Variants in DRC3 observed in about 807,000 individuals in gnomAD.
DRC3 encodes the protein dynein regulatory complex subunit 3.
DRC3 carries 45 observed loss-of-function variants against 57.6 expected under a neutral mutation model. The ratio of observed to expected loss-of-function variants is 0.78; its 90% CI spans 0.62 to 1.00. The LOEUF (loss-of-function observed/expected upper bound fraction) is 1.00, where lower values mean the gene tolerates loss of function less well. Ranked by LOEUF, DRC3 falls within the 50% of genes least tolerant of loss-of-function variation. The pLI is 0.00. For missense variants in DRC3, 655 were observed against 675.2 expected (o/e 0.97, Z 0.33); for synonymous variants, 257 against 272.3 (o/e 0.94, Z 0.55).
Position 17,995,066 on chromosome 17 carries a change from G to A in DRC3, c.779G>A (p.Gly260Asp), listed in dbSNP as rs767633482. ...FDSMYAEDSE[G>D]NNLSYLPGVG... ...AGCATGTACGCTGAGGACTCAGAGG[G>A]CAACAATCTGTCCTACCTGCCTGGT... The change falls in exon 8 of 14, where the codon GGC (glycine) becomes GAC (aspartate). Residue 260 changes from glycine to aspartate, a missense_variant. Transcript: ENST00000399187. 2 of 1,613,930 alleles carry A rather than the reference G, an allele frequency of 1.2e-6. No homozygotes were observed. Among genetic ancestry groups the A allele is most frequent in the East Asian group, 2.2e-5 (1 of 44,872 alleles).
chr17:18,014,622 A>G (rs1181871532), intron 12 of DRC3, among the ~76,000 whole-genome samples: 1 of 152,188 alleles, frequency 6.6e-6, no homozygotes, highest in African/African-American at 2.4e-5. Flanking sequence ...ACAGCTTTTG[A>G]AGCTGTTTTC....
chr17:18,013,877 C>T (rs892806848), intron 12 of DRC3, among the ~76,000 whole-genome samples: 12 of 151,898 alleles, frequency 7.9e-5, no homozygotes, highest in African/African-American at 2.9e-4. Context: ...GGTGTTGAAA[C>T]ATCACTATGT....
At position 17,994,312 on chromosome 17, in the gene DRC3, A is replaced by G; in HGVS notation, c.605A>G (p.Glu202Gly). ...TTCCCTGGTCAGAAAAAGCTTGCGG[A>G]GGCTAAGCACCAGTACAGCATCGAC... ...RIDDHTKKLA[E>G]AKHQYSIDEL... The change falls in exon 7 of 14, where the codon GAG becomes GGG. Residue 202 changes from glutamate (E) to glycine (G), a missense_variant. Coordinates refer to ENST00000399187, the MANE Select transcript of DRC3 (RefSeq NM_031294.4). The G allele has an allele frequency of 6.4e-7, 1 of 1,552,674 alleles. No homozygotes were observed. The highest frequency in any genetic ancestry group is 8.7e-7 in the Non-Finnish European group (1 of 1,147,584).
intron 2 of DRC3, among the ~76,000 whole-genome samples, chr17:17,976,998 C>T (rs574638934): frequency 6.6e-5 from 10 of 152,360 alleles, no homozygotes; most frequent in African/African-American, 2.4e-4. Context: ...TGGGCACTCT[C>T]ATTCCACAGC....
rs898970771 is a variant in DRC3, at chr17:18,004,302, A to G, written c.1000-61A>G. 3.3e-6 allele frequency: 5 copies of G among 1,536,328 alleles called. 1 individual carries two copies. The highest frequency in any genetic ancestry group is 4.8e-5 in the East Asian group (2 of 41,630). On this transcript the variant is annotated intron_variant, in intron 9 of 13. Transcript: ENST00000399187. Reference sequence around the variant, plus strand: ...TTCTTACCCACAAAACCAAATTGCCACCTGCCATTATCTAATTACACTTAG... The same window carrying G: ...TTCTTACCCACAAAACCAAATTGCCGCCTGCCATTATCTAATTACACTTAG...
intron 12 of DRC3, chr17:18,015,181 A>C (rs2044311483): frequency 6.6e-6 from 1 of 152,248 alleles, no homozygotes. Flanking sequence ...TTGACCAAAG[A>C]ATACTTTTTT....
chr17:18,003,843 G>A (rs1296658645), intron 9 of DRC3, among the ~76,000 whole-genome samples: 1 of 150,670 alleles, frequency 6.6e-6, no homozygotes, highest in East Asian at 2.0e-4. Context: ...AGTATAGATG[G>A]GGTTTCACTG....
intron 3 of DRC3, among the ~76,000 whole-genome samples, chr17:17,979,617 C>T (rs561316804): frequency 1.3e-5 from 2 of 152,162 alleles, no homozygotes; most frequent in Non-Finnish European, 2.9e-5. Context: ...TTTGGCTTTT[C>T]CTCCTGAACT....
At chr17:17,987,783 A>C in intron 4 of DRC3, 149 bp from the exon 5 acceptor site, 1 of 736,710 alleles carries the variant, frequency 1.4e-6, no homozygotes, top group Non-Finnish European at 2.1e-6. Flanking sequence ...TTCTAAAAAA[A>C]TCACAAACTA....
rs759331759 is a variant in DRC3, at chr17:17,987,942, C to T, written c.288C>T (p.Phe96=). The change falls in exon 5 of 14, where the codon TTC becomes TTT. Residue 96 remains phenylalanine (F), a synonymous_variant. Transcript: ENST00000399187. ...LAHLVWLDLS[F]NNIETIEGLD... ...CTCTCTTCTTCCCAGATCTGTCTTT[C>T]AACAACATTGAGACCATCGAGGGGC... The T allele has an allele frequency of 6.2e-7, 1 of 1,613,888 alleles. No homozygotes were observed. The highest frequency in any genetic ancestry group is 2.2e-5 in the East Asian group (1 of 44,884).
At chr17:17,979,121 G>A (rs780019695) in intron 3 of DRC3, among the ~76,000 whole-genome samples, 2 of 152,166 alleles carry the variant, frequency 1.3e-5, no homozygotes, top group Admixed American at 6.5e-5. Context: ...ACAACTTGAG[G>A]TAGGCAAGGG....
In DRC3 at chr17:17,990,611, A is replaced by C. The variant is rs118085105; in HGVS notation, c.445-2154A>C. On this transcript the variant is annotated intron_variant, in intron 5 of 13. Transcript: ENST00000399187. ...AGAGACCTCTGAATCTCCTAACTGA[A>C]AGAGGCCTCCCTGTTATTTTCTCTC... Among the ~76,000 whole-genome samples, 501 of 152,372 alleles carry C rather than the reference A, an allele frequency of 3.3e-3. 2 individuals carry two copies. Among genetic ancestry groups the C allele is most frequent in the Non-Finnish European group, 6.5e-3 (445 of 68,042 alleles).
chr17:17,990,438 C>T (rs1302466782), intron 5 of DRC3, among the ~76,000 whole-genome samples: 2 of 152,260 alleles, frequency 1.3e-5, no homozygotes, highest in African/African-American at 4.8e-5. Context: ...TCTGCAGCCA[C>T]CCTGGCCTTT....
chr17:17,977,766 T>G lies in DRC3; in HGVS notation c.160+8T>G. 6.3e-7 allele frequency: 1 copy of G among 1,590,508 alleles called. No individual in the cohort carries two copies. The highest frequency in any genetic ancestry group is 1.7e-5 in the Admixed American group (1 of 57,680). Reference sequence around the variant, plus strand: ...TGCAGCTGGACTTTCGGAGTATGTATCCAAGGTTCAGGGGTGGTGGCCAGG... The same window carrying G: ...TGCAGCTGGACTTTCGGAGTATGTAGCCAAGGTTCAGGGGTGGTGGCCAGG... On this transcript the variant is annotated splice_region_variant and intron_variant, in intron 3 of 13. Coordinates refer to ENST00000399187, the MANE Select transcript of DRC3 (RefSeq NM_031294.4).
chr17:18,005,994 G>A, intron 10 of DRC3, 189 bp from the exon 11 acceptor site: 1 of 588,888 alleles, frequency 1.7e-6, no homozygotes, highest in South Asian at 2.0e-5. Context: ...TAATATGGTT[G>A]GAGAACAACA....
chr17:18,000,842 A>G (rs2043699148), intron 9 of DRC3, among the ~76,000 whole-genome samples: 1 of 151,932 alleles, frequency 6.6e-6, no homozygotes, highest in Admixed American at 6.6e-5. Context: ...TTGTACTTAT[A>G]TTTTGCCCTT....
intron 5 of DRC3, among the ~76,000 whole-genome samples, chr17:17,992,120 C>G (rs1229654515): frequency 6.6e-6 from 1 of 151,924 alleles, no homozygotes; most frequent in Non-Finnish European, 1.5e-5. Context: ...ACTACAAACA[C>G]AAAAATTAGC....
intron 5 of DRC3, among the ~76,000 whole-genome samples, chr17:17,990,209 G>A (rs986908948): frequency 5.9e-5 from 9 of 152,186 alleles, no homozygotes; most frequent in South Asian, 2.1e-4. Flanking sequence ...TCATGGCTGG[G>A]TGACGGCCAG....
In DRC3 at chr17:17,972,903, G is replaced by A. The variant is rs28366007; in HGVS notation, c.-200G>A. 0.039 allele frequency: 5,996 copies of A among 152,834 alleles called. 318 individuals are homozygous for A. Among genetic ancestry groups the A allele is most frequent in the East Asian group, 0.27 (1,406 of 5,160 alleles). 9.5% of individuals were successfully genotyped at this position (152,834 alleles called of 1,614,324 possible). On this transcript the variant is annotated 5_prime_UTR_variant, in exon 1 of 14. Coordinates refer to ENST00000399187, the MANE Select transcript of DRC3 (RefSeq NM_031294.4). ...GACTTCCCCTTAGCAACCAAGTCGC[G>A]GCGCTTGGTTCCCCAGCAACCGGGA...
Sources: allele counts gnomAD v4.1 joint callset (sites outside exome capture counted in the v4.1 genomes callset), GRCh38; gene constraint gnomAD v4.1.1; transcripts MANE v1.5; gene names NCBI Gene and HGNC (gene_info 2026-07-23, HGNC 2026-07-21).